KIAA0586: variants seen among roughly 807,000 people sequenced by gnomAD.
The protein encoded by KIAA0586 is KIAA0586.
Under a neutral mutation model 169.8 loss-of-function variants are expected in KIAA0586, and 144 were observed. The ratio of observed to expected loss-of-function variants is 0.85; its 90% CI spans 0.74 to 0.97. KIAA0586 has a LOEUF of 0.97. Ranked by LOEUF, KIAA0586 falls within the 50% of genes least tolerant of loss-of-function variation. The pLI is 0.00. For synonymous variants in KIAA0586, 625 were observed against 612.4 expected, an observed-to-expected ratio of 1.02 and a Z score of -0.30; for missense variants, 1,854 against 1,823.0, an observed-to-expected ratio of 1.02 and a Z score of -0.31.
intron 28 of KIAA0586, among the ~76,000 whole-genome samples, chr14:58,509,178 C>T (rs1233275108): frequency 1.3e-5 from 2 of 152,066 alleles, no homozygotes; most frequent in Non-Finnish European, 2.9e-5. Context: ...CCAGATTACA[C>T]CACTGCACTC....
intron 12 of KIAA0586, among the ~76,000 whole-genome samples, chr14:58,459,176 C>T (rs957110811): frequency 3.3e-5 from 5 of 152,096 alleles, no homozygotes; most frequent in Admixed American, 2.0e-4. Flanking sequence ...TTATATGCTA[C>T]TTACAAGGGT....
chr14:58,472,459 C>T (rs2041298560), intron 18 of KIAA0586, among the ~76,000 whole-genome samples, 180 bp downstream of exon 18: 1 of 151,992 alleles, frequency 6.6e-6, no homozygotes, highest in Non-Finnish European at 1.5e-5. Flanking sequence ...TAATCTATAT[C>T]ACCTATCTGC....
At chr14:58,520,616 G>A (rs1322363923) in intron 29 of KIAA0586, among the ~76,000 whole-genome samples, 3 of 151,990 alleles carry the variant, frequency 2.0e-5, no homozygotes, top group Admixed American at 6.6e-5. Flanking sequence ...CTGACCTCCC[G>A]GTCTCAAGCA....
At chr14:58,499,039 G>T (rs2043364479) in intron 27 of KIAA0586, 79 bp downstream of exon 27, 1 of 1,283,444 alleles carries the variant, frequency 7.8e-7, no homozygotes, top group Non-Finnish European at 1.1e-6. Context: ...CCTATTTTCA[G>T]ATAGGGGCTT....
intron 29 of KIAA0586, among the ~76,000 whole-genome samples, chr14:58,537,675 A>T (rs113292876): frequency 0.016 from 2,483 of 151,502 alleles, 80 homozygotes; most frequent in African/African-American, 0.056. Flanking sequence ...TGAGACGGAG[A>T]CTCGCTCTGT....
chr14:58,456,680 T>G (rs2140825140), intron 9 of KIAA0586, 22 bp from the exon 10 acceptor site: 1 of 1,394,676 alleles, frequency 7.2e-7, no homozygotes, highest in East Asian at 2.3e-5. Context: ...TTCTGTAGCG[T>G]TGAAACTCTA....
chr14:58,526,596 GA>G (rs1282890813), intron 29 of KIAA0586, among the ~76,000 whole-genome samples: 1 of 152,194 alleles, frequency 6.6e-6, no homozygotes, highest in Admixed American at 6.5e-5. Context: ...CCACAAAGAT[GA>G]GGAAAAACCA....
chr14:58,449,088 A>G (rs150347298), intron 7 of KIAA0586, among the ~76,000 whole-genome samples: 113 of 152,374 alleles, frequency 7.4e-4, no homozygotes, highest in Middle Eastern at 3.4e-3. Context: ...AGTTATTGAT[A>G]TTTGAATAAT....
intron 27 of KIAA0586, 34 bp downstream of exon 27, chr14:58,498,994 T>TA (rs1566904363): frequency 6.5e-7 from 1 of 1,528,862 alleles, no homozygotes; most frequent in East Asian, 2.4e-5. Flanking sequence ...TGATGTGTCA[T>TA]AGTAGTATCC....
At chr14:58,526,485 A>C (rs1326970018) in intron 29 of KIAA0586, among the ~76,000 whole-genome samples, 1 of 152,198 alleles carries the variant, frequency 6.6e-6, no homozygotes, top group East Asian at 1.9e-4. Flanking sequence ...GGTAGAAGGA[A>C]AACTAACAGA....
intron 4 of KIAA0586, chr14:58,440,102 TGAA>T (rs2038186486): frequency 2.7e-6 from 1 of 364,980 alleles, no homozygotes; most frequent in South Asian, 2.0e-5. Context: ...CAGCTGGTCT[TGAA>T]CTCCTGGGCT....
intron 27 of KIAA0586, among the ~76,000 whole-genome samples, chr14:58,508,341 A>G (rs1273815134): frequency 2.0e-5 from 3 of 152,194 alleles, no homozygotes; most frequent in Non-Finnish European, 2.9e-5. Context: ...AGAATATTCC[A>G]TGGATTTGTT....
In KIAA0586 at chr14:58,449,012, C is replaced by T. The variant is rs1011014527; in HGVS notation, c.961+519C>T. Among the ~76,000 whole-genome samples, 21 of 152,186 alleles carry T rather than the reference C, an allele frequency of 1.4e-4. 1 individual carries two copies. The highest frequency in any genetic ancestry group is 4.6e-4 in the African/African-American group (19 of 41,526). On this transcript the variant is annotated intron_variant, in intron 7 of 30. Coordinates refer to ENST00000652326, the MANE Select transcript of KIAA0586 (RefSeq NM_001329943.3). ...ATTGAATTTTAAAACTCTATAATAA[C>T]AAAGGAATACATGGCTTACTTGTTA...
chr14:58,465,011 G>T (rs2040633320), intron 14 of KIAA0586, among the ~76,000 whole-genome samples: 1 of 152,154 alleles, frequency 6.6e-6, no homozygotes, highest in South Asian at 2.1e-4. Flanking sequence ...GGCAGAGGTT[G>T]CATTGAGCTA....
intron 26 of KIAA0586, among the ~76,000 whole-genome samples, chr14:58,495,796 C>T (rs2043123381): frequency 6.6e-6 from 1 of 152,052 alleles, no homozygotes; most frequent in Non-Finnish European, 1.5e-5. Flanking sequence ...TCTAATCAAA[C>T]TATACTAGGT....
chr14:58,439,916 T>A (rs554161494), intron 4 of KIAA0586: 62 of 685,398 alleles, frequency 9.0e-5, no homozygotes, highest in Non-Finnish European at 1.1e-4. Flanking sequence ...CTTTCATTGT[T>A]TTCTTTGAGG....
chr14:58,531,417 G>A (rs2045963290), intron 29 of KIAA0586, among the ~76,000 whole-genome samples: 1 of 152,056 alleles, frequency 6.6e-6, no homozygotes, highest in Non-Finnish European at 1.5e-5. Context: ...CATTTATGTG[G>A]CCAACAAAGA....
chr14:58,457,825 A>G lies in KIAA0586; in HGVS notation c.1429A>G (p.Thr477Ala). The G allele has an allele frequency of 6.2e-7, 1 of 1,608,408 alleles. No individual in the cohort carries two copies. Among genetic ancestry groups the G allele is most frequent in the Non-Finnish European group, 8.5e-7 (1 of 1,176,998 alleles). ...ACAGAATTCTGTTAAGCTTCAAACAACCAATACAACAAGATCTGTATTGAA... is the reference window on the plus strand; with the variant it reads ...ACAGAATTCTGTTAAGCTTCAAACAGCCAATACAACAAGATCTGTATTGAA... The part of the protein sequence containing the change: ...LPQNSVKLQT[T>A]NTTRSVLKDA... The change falls in exon 11 of 31, where the codon ACC becomes GCC. Residue 477 changes from threonine to alanine, a missense_variant. Thr to Ala is a moderately conservative substitution (Grantham distance 58). Coordinates refer to ENST00000652326, the MANE Select transcript of KIAA0586 (RefSeq NM_001329943.3).
rs759239090 is a variant in KIAA0586 at position 58,548,548 on chromosome 14, A to T, written c.*616A>T. On this transcript the variant is annotated 3_prime_UTR_variant, in exon 31 of 31. Transcript: ENST00000652326. Reference sequence around the variant, plus strand: ...TATTCTTACATGTATTTGCTTGTAAATATATTATATAAACAAGAAACTGCT... The same window carrying T: ...TATTCTTACATGTATTTGCTTGTAATTATATTATATAAACAAGAAACTGCT... 6.6e-6 allele frequency: 1 copy of T among 152,184 alleles called. No homozygotes were observed. The highest frequency in any genetic ancestry group is 1.5e-5 in the Non-Finnish European group (1 of 68,036). 9.4% of individuals were successfully genotyped at this position (152,184 alleles called of 1,614,324 possible). A position where few individuals can be genotyped will look rare whatever the true frequency, so the allele number is the denominator to read the frequency against.
Sources: gnomAD v4.1 joint callset for allele counts (sites outside exome capture counted in the v4.1 genomes callset) on GRCh38, gnomAD v4.1.1 for gene constraint, MANE v1.5 for transcripts, NCBI Gene and HGNC (gene_info 2026-07-23, HGNC 2026-07-21) for gene names.